CSMD1: variants seen among roughly 807,000 people sequenced by gnomAD.
CSMD1 encodes CUB and sushi domain-containing protein 1.
In CSMD1, 213 loss-of-function variants were observed where a neutral mutation model predicts 417.5. The observed-to-expected ratio is 0.51, with a 90% confidence interval of 0.46 to 0.57. The LOEUF is 0.57. CSMD1 is among the 20% of genes least tolerant of loss of function. The pLI is 0.00. For synonymous variants in CSMD1, 2,862 were observed against 1,736.8 expected (o/e 1.65, Z -16.11); for missense variants, 6,923 against 4,529.7 (o/e 1.53, Z -15.17).
At chr8:3,887,676 G>A (rs916570375) in intron 5 of CSMD1, among the ~76,000 whole-genome samples, 7 of 152,184 alleles carry the variant, frequency 4.6e-5, no homozygotes, top group African/African-American at 1.7e-4. Flanking sequence ...CAATACCTAT[G>A]TATCTGAGTT....
chr8:3,323,547 A>T (rs1055728277), intron 23 of CSMD1, among the ~76,000 whole-genome samples: 6 of 151,254 alleles, frequency 4.0e-5, no homozygotes, highest in African/African-American at 1.2e-4. Context: ...TCAAAAGAAA[A>T]CTTTAAACAC....
At position 4,212,772 on chromosome 8, in the gene CSMD1, T is replaced by A. The variant is rs1016806139; in HGVS notation, c.416-180673A>T. On this transcript the variant is annotated intron_variant, in intron 3 of 69. Coordinates refer to ENST00000635120, the MANE Select transcript of CSMD1 (RefSeq NM_033225.6). ...TATTCTTTTTTTTTTTTTTTTTTTT[T>A]TTTTACAAGCTATTGAACAATCTCA... Among the ~76,000 whole-genome samples, 23 of 145,948 alleles carry A rather than the reference T, an allele frequency of 1.6e-4. No homozygotes were observed. In the South Asian group the frequency reaches 4.8e-3, roughly 30 times the overall value.
At chr8:3,999,582 G>A (rs1219692411) in intron 4 of CSMD1, among the ~76,000 whole-genome samples, 1 of 152,126 alleles carries the variant, frequency 6.6e-6, no homozygotes, top group Non-Finnish European at 1.5e-5. Flanking sequence ...GAATGCCAGG[G>A]GCATAGGGGT....
At chr8:3,325,790 C>T (rs1463334669) in intron 23 of CSMD1, among the ~76,000 whole-genome samples, 1 of 152,142 alleles carries the variant, frequency 6.6e-6, no homozygotes, top group Non-Finnish European at 1.5e-5. Context: ...TACCACTGCA[C>T]TCCAGCCTGG....
intron 3 of CSMD1, among the ~76,000 whole-genome samples, chr8:4,388,108 T>C (rs994247679): frequency 1.3e-5 from 2 of 152,168 alleles, no homozygotes; most frequent in Admixed American, 6.5e-5. Flanking sequence ...GATACAGCTG[T>C]CTCTGCCCAG....
intron 7 of CSMD1, among the ~76,000 whole-genome samples, chr8:3,630,172 G>T (rs1274416572): frequency 3.1e-4 from 47 of 152,214 alleles, no homozygotes; most frequent in Admixed American, 3.1e-3. Flanking sequence ...TGAATGCCTG[G>T]TACAGGCAGG....
Position 4,715,859 on chromosome 8 carries a change from G to C in CSMD1, c.86-78301C>G, listed in dbSNP as rs375017292. Among the ~76,000 whole-genome samples, 60 of 152,284 alleles carry C rather than the reference G, an allele frequency of 3.9e-4. 1 individual carries two copies. The South Asian group carries it at 0.012, about 30-fold the overall frequency. On this transcript the variant is annotated intron_variant, in intron 1 of 69. Transcript: ENST00000635120. ...AAAGTGGACTTTGCTTGGATTACGG[G>C]AATTGCCTCCTAAAGGGTCCTTGGC... is the stretch of plus-strand genomic sequence containing the variant.
chr8:4,431,448 ACAGT>A (rs1251807227), intron 2 of CSMD1, among the ~76,000 whole-genome samples: 3 of 152,116 alleles, frequency 2.0e-5, no homozygotes, highest in Non-Finnish European at 2.9e-5. Flanking sequence ...GAGTGAGCAC[ACAGT>A]CAGGAGAGGA....
At chr8:3,210,578 G>A (rs964782313) in intron 30 of CSMD1, among the ~76,000 whole-genome samples, 7 of 107,994 alleles carry the variant, frequency 6.5e-5, no homozygotes, top group Non-Finnish European at 9.6e-5. Context: ...CTATACATAT[G>A]TGTATAAATT....
Position 3,052,655 on chromosome 8 carries a change from G to C in CSMD1, c.7475-8C>G, listed in dbSNP as rs1286368759. On this transcript the variant is annotated splice_polypyrimidine_tract_variant and splice_region_variant and intron_variant, in intron 49 of 69. Transcript: ENST00000635120. ...GGATTCCACAGGACACAGCTGAAAA[G>C]AAATGAAACAAATGTAGGCTTATTC... 2 of 1,577,132 alleles carry C rather than the reference G, an allele frequency of 1.3e-6. No individual in the cohort carries two copies.
At chr8:2,997,036 G>C (rs573280747) in intron 54 of CSMD1, among the ~76,000 whole-genome samples, 152 of 152,318 alleles carry the variant, frequency 1.0e-3, no homozygotes, top group African/African-American at 3.4e-3. Flanking sequence ...TCAGGGGCTG[G>C]GGCTCGGCGG....
At chr8:3,771,745 G>C (rs1002625715) in intron 5 of CSMD1, among the ~76,000 whole-genome samples, 1 of 152,186 alleles carries the variant, frequency 6.6e-6, no homozygotes, top group African/African-American at 2.4e-5. Context: ...CATTGACTGT[G>C]TGTGTTCAAA....
chr8:3,690,864 A>G (rs1186203716), intron 7 of CSMD1, among the ~76,000 whole-genome samples: 1 of 152,226 alleles, frequency 6.6e-6, no homozygotes, highest in East Asian at 1.9e-4. Context: ...AATTACCCAA[A>G]TACATTGATT....
At position 3,733,205 on chromosome 8, in the gene CSMD1, A is replaced by ACACACACACACACT. The variant is rs1554525004; in HGVS notation, c.931+20724_931+20725insAGTGTGTGTGTGTG. ...CACACACACACACACACACACACAC[A>ACACACACACACACT]CTCTCTCTCTCTCATACATACACAT... On this transcript the variant is annotated intron_variant, in intron 6 of 69. Transcript: ENST00000635120. Among the ~76,000 whole-genome samples the ACACACACACACACT allele has an allele frequency of 1.1e-3, 94 of 87,076 alleles. 1 individual carries two copies. In the East Asian group the frequency reaches 0.025, roughly 23 times the overall value. The allele number at this position is 87,076 out of a possible 152,430, so 57.1% of individuals were successfully genotyped here.
At chr8:3,232,952 C>A (rs1484745325) in intron 26 of CSMD1, among the ~76,000 whole-genome samples, 2 of 151,838 alleles carry the variant, frequency 1.3e-5, no homozygotes, top group South Asian at 2.1e-4. Flanking sequence ...AAAAAAAAAT[C>A]TTAAATTAGA....
At chr8:3,892,444 A>G (rs1807039815) in intron 5 of CSMD1, among the ~76,000 whole-genome samples, 1 of 152,178 alleles carries the variant, frequency 6.6e-6, no homozygotes, top group Non-Finnish European at 1.5e-5. Flanking sequence ...GACAGGCTTC[A>G]TAGCCCCTCA....
At chr8:4,753,144 G>T (rs1369256327) in intron 1 of CSMD1, among the ~76,000 whole-genome samples, 3 of 152,132 alleles carry the variant, frequency 2.0e-5, no homozygotes, top group Admixed American at 1.3e-4. Flanking sequence ...TTAGAAAGCT[G>T]AAGTCACTTG....
intron 12 of CSMD1, 45 bp downstream of exon 12, chr8:3,468,667 T>C (rs370514169): frequency 1.6e-6 from 2 of 1,275,664 alleles, no homozygotes; most frequent in South Asian, 1.3e-5. Flanking sequence ...CTGCCCTCTC[T>C]TGGAATGCTA....
At chr8:3,322,262 A>C (rs1806199999) in intron 23 of CSMD1, among the ~76,000 whole-genome samples, 1 of 151,596 alleles carries the variant, frequency 6.6e-6, no homozygotes, top group South Asian at 2.1e-4. Context: ...CCTCCTGATG[A>C]ATCATTTTAT....
Sources: gnomAD v4.1 joint callset for allele counts (sites outside exome capture counted in the v4.1 genomes callset) on GRCh38, gnomAD v4.1.1 for gene constraint, MANE v1.5 for transcripts, NCBI Gene and HGNC (gene_info 2026-07-23, HGNC 2026-07-21) for gene names.